The following LRRK1 variants were observed in gnomAD, a reference collection of about 807,000 sequenced individuals.
The protein encoded by LRRK1 is leucine-rich repeat serine/threonine-protein kinase 1.
A neutral mutation model predicts 209.1 loss-of-function variants in LRRK1; 113 were observed. The ratio of observed to expected loss-of-function variants is 0.54; its 90% CI spans 0.46 to 0.63. The LOEUF is 0.63. Among genes scored for constraint, LRRK1 ranks in the 30% least tolerant of loss-of-function variants. The pLI, the probability that LRRK1 is intolerant of heterozygous loss-of-function variation, is 0.00. For missense variants in LRRK1, 2,284 were observed against 2,632.2 expected, an observed-to-expected ratio of 0.87 and a Z score of 2.89; for synonymous variants, 1,144 against 1,099.7, an observed-to-expected ratio of 1.04 and a Z score of -0.80.
chr15:101,005,050 G>T (rs1048879281), intron 6 of LRRK1, among the ~76,000 whole-genome samples: 3 of 138,604 alleles, frequency 2.2e-5, no homozygotes, highest in Non-Finnish European at 3.2e-5. Flanking sequence ...CATTCCATAC[G>T]GAAAGACCAT....
chr15:100,953,739 A>G (rs1414188442), intron 2 of LRRK1, among the ~76,000 whole-genome samples: 1 of 151,884 alleles, frequency 6.6e-6, no homozygotes, highest in Non-Finnish European at 1.5e-5. Context: ...TCTATTTTTA[A>G]TTTTTTGAGG....
At chr15:101,028,042 C>T (rs906209534) in intron 19 of LRRK1, among the ~76,000 whole-genome samples, 6 of 152,220 alleles carry the variant, frequency 3.9e-5, no homozygotes, top group Non-Finnish European at 5.9e-5. Context: ...GATGGACTGG[C>T]GCCTGCCCTC....
At chr15:101,049,554 G>C in intron 22 of LRRK1, 90 bp from the exon 23 acceptor site, 1 of 1,467,146 alleles carries the variant, frequency 6.8e-7, no homozygotes, top group Non-Finnish European at 9.3e-7. Flanking sequence ...GGTCCCCGGG[G>C]GTTGGTTCCT....
At chr15:100,999,088 C>G (rs1490673447) in intron 6 of LRRK1, among the ~76,000 whole-genome samples, 1 of 152,196 alleles carries the variant, frequency 6.6e-6, no homozygotes, top group Non-Finnish European at 1.5e-5. Context: ...AGGGTTCTCT[C>G]GAAAGCAAGT....
chr15:101,039,466 G>A (rs183245234), intron 20 of LRRK1, among the ~76,000 whole-genome samples: 7 of 152,244 alleles, frequency 4.6e-5, no homozygotes, highest in African/African-American at 1.7e-4. Context: ...AAAAAACCTT[G>A]CTAAATTCAC....
Position 100,924,535 on chromosome 15 carries a change from A to G in LRRK1, c.-98A>G. The G allele has an allele frequency of 1.0e-6, 1 of 986,936 alleles. No homozygotes were observed. The allele number at this position is 986,936 out of a possible 1,614,324, so 61.1% of individuals were successfully genotyped here. A position where few individuals can be genotyped will look rare whatever the true frequency, so the allele number is the denominator to read the frequency against. ...GAGCAAGAAAGCTTTCTGCTCAGCC[A>G]TGGCTACGAGTCCACGCCTTAATGC... is the stretch of plus-strand genomic sequence containing the variant. On this transcript the variant is annotated 5_prime_UTR_variant, in exon 2 of 34. An upstream start codon of the reference 5' UTR is lost. Coordinates refer to ENST00000388948, the MANE Select transcript of LRRK1 (RefSeq NM_024652.6).
At chr15:100,952,560 CT>C (rs1596190722) in intron 2 of LRRK1, among the ~76,000 whole-genome samples, 2 of 152,294 alleles carry the variant, frequency 1.3e-5, no homozygotes, top group East Asian at 3.9e-4. Flanking sequence ...TTCCATGTGG[CT>C]ATCCAGTTGG....
chr15:100,963,719 G>A (rs915157429), intron 2 of LRRK1, among the ~76,000 whole-genome samples: 19 of 152,144 alleles, frequency 1.2e-4, no homozygotes, highest in Non-Finnish European at 2.2e-4. Context: ...CCGACTTCCC[G>A]CTTTTGTTAT....
intron 2 of LRRK1, among the ~76,000 whole-genome samples, chr15:100,956,450 T>TTTCTCTTTTTC (rs2042759977): frequency 1.5e-5 from 1 of 64,658 alleles, no homozygotes. Flanking sequence ...TTTCCTTTTT[T>TTTCTCTTTTTC]TTTTCTTTTT....
Position 101,027,291 on chromosome 15 carries a change from G to C in LRRK1, c.2436G>C (p.Gln812His). ...TTTCCTGCAAGAGCCTGGAAGGTCA[G>C]GAAGGGCTGCGACAGCTGATTTTCC... Reference protein sequence around the residue: ...HEISCKSLEGQEGLRQLIFHV... With the variant: ...HEISCKSLEGHEGLRQLIFHV... Residue 812 changes from glutamine (Q) to histidine (H), a missense_variant, in exon 18 of 34, where the codon CAG becomes CAC. This residue lies in a region of LRRK1 where 780 missense variants were observed against 985.2 expected (regional missense o/e 0.79). Transcript: ENST00000388948. The surrounding 1 kb of genome is among the most constrained non-coding windows in gnomAD (Gnocchi z 5.1). 1 of 1,614,174 alleles carries C rather than the reference G, an allele frequency of 6.2e-7. No homozygotes were observed. Among genetic ancestry groups the C allele is most frequent in the Non-Finnish European group, 8.5e-7 (1 of 1,180,044 alleles).
Position 100,935,393 on chromosome 15 carries a change from G to C in LRRK1, c.97+10664G>C, listed in dbSNP as rs145064498. 3.7e-3 allele frequency among the ~76,000 whole-genome samples: 562 copies of C among 152,332 alleles called. 6 individuals are homozygous for C. The highest frequency in any genetic ancestry group is 0.012 in the African/African-American group (488 of 41,572). On this transcript the variant is annotated intron_variant, in intron 2 of 33. Transcript: ENST00000388948. ...TGGCAAGGCATCAGTGAGTGCAAAGGCTGGGCAGCGGGAATGAGCTCGGTA... is the reference window on the plus strand; with the variant it reads ...TGGCAAGGCATCAGTGAGTGCAAAGCCTGGGCAGCGGGAATGAGCTCGGTA...
intron 3 of LRRK1, among the ~76,000 whole-genome samples, chr15:100,976,594 G>A (rs2031310470): frequency 6.6e-6 from 1 of 152,176 alleles, no homozygotes; most frequent in Non-Finnish European, 1.5e-5. Context: ...AGGAATGTGT[G>A]CAGCCTCTTT....
chr15:100,977,657 ACTGATT>A (rs1480720638), intron 3 of LRRK1, among the ~76,000 whole-genome samples: 4 of 152,200 alleles, frequency 2.6e-5, no homozygotes, highest in Non-Finnish European at 5.9e-5. Context: ...CTGGGTGTCA[ACTGATT>A]CTAAGTACAG....
At chr15:101,010,135 G>A (rs2033162085) in intron 7 of LRRK1, among the ~76,000 whole-genome samples, 2 of 152,204 alleles carry the variant, frequency 1.3e-5, no homozygotes, top group Admixed American at 1.3e-4. Flanking sequence ...AAGGTTCAAA[G>A]CCCTGCTCTG....
chr15:101,009,446 A>C (rs1233197710), intron 7 of LRRK1, among the ~76,000 whole-genome samples: 2 of 152,086 alleles, frequency 1.3e-5, no homozygotes, highest in East Asian at 1.9e-4. Flanking sequence ...GAAAGGGTTA[A>C]CTCTGCAGGA....
At position 101,027,606 on chromosome 15, in the gene LRRK1, G is replaced by T; in HGVS notation, c.2527-32G>T. 1 of 1,601,444 alleles carries T rather than the reference G, an allele frequency of 6.2e-7. No individual in the cohort carries two copies. Among genetic ancestry groups the T allele is most frequent in the South Asian group, 1.1e-5 (1 of 88,800 alleles). On this transcript the variant is annotated intron_variant, in intron 18 of 33. Coordinates refer to ENST00000388948, the MANE Select transcript of LRRK1 (RefSeq NM_024652.6). This position sits in a 1 kb window ranked among gnomAD's most constrained non-coding sequence, Gnocchi z 5.1. Reference sequence around the variant, plus strand: ...AGCTGGCAGGTGTGCCTTGGGACCTGAGAGACCCTGCCTCGCCCAACTGTC... The same window carrying T: ...AGCTGGCAGGTGTGCCTTGGGACCTTAGAGACCCTGCCTCGCCCAACTGTC...
intron 2 of LRRK1, among the ~76,000 whole-genome samples, chr15:100,942,502 A>G (rs1011324324): frequency 6.6e-6 from 1 of 152,228 alleles, no homozygotes; most frequent in African/African-American, 2.4e-5. Flanking sequence ...TAGAGAAGGC[A>G]TGGCTCACAG....
At chr15:100,921,863 G>A (rs938867752) in intron 1 of LRRK1, among the ~76,000 whole-genome samples, 9 of 152,006 alleles carry the variant, frequency 5.9e-5, no homozygotes, top group Admixed American at 1.3e-4. Flanking sequence ...GATTACAGGC[G>A]CCCACCAGCA....
intron 10 of LRRK1, among the ~76,000 whole-genome samples, chr15:101,012,484 G>A (rs2033302583): frequency 1.3e-5 from 2 of 152,180 alleles, no homozygotes; most frequent in South Asian, 2.1e-4. Context: ...CCCAGAATAC[G>A]GGTACCTTCT....
Sources: allele counts gnomAD v4.1 joint callset (sites outside exome capture counted in the v4.1 genomes callset), GRCh38; gene constraint gnomAD v4.1.1; regional missense constraint gnomAD v4.1.1; non-coding constraint Gnocchi (gnomAD v3.1); transcripts MANE v1.5; gene names NCBI Gene and HGNC (gene_info 2026-07-23, HGNC 2026-07-21).